The following CNBD1 variants were observed in gnomAD, a reference collection of about 807,000 sequenced individuals.
The protein encoded by CNBD1 is cyclic nucleotide binding domain containing 1.
CNBD1 carries 71 observed loss-of-function variants against 54.4 expected under a neutral mutation model. The ratio of observed to expected loss-of-function variants is 1.30; its 90% CI spans 1.08 to 1.59. The LOEUF (loss-of-function observed/expected upper bound fraction) is 1.59. CNBD1 is among the 40% of genes most tolerant of loss of function. CNBD1 has a pLI of 0.00. For synonymous variants in CNBD1, 182 were observed against 170.7 expected, an observed-to-expected ratio of 1.07 and a Z score of -0.51; for missense variants, 659 against 518.0, an observed-to-expected ratio of 1.27 and a Z score of -2.64.
intron 8 of CNBD1, among the ~76,000 whole-genome samples, chr8:87,337,727 C>T (rs1809977059): frequency 6.6e-6 from 1 of 152,210 alleles, no homozygotes; most frequent in Non-Finnish European, 1.5e-5. Context: ...TCTCAGGTGT[C>T]CCGTGTGGCT....
intron 5 of CNBD1, among the ~76,000 whole-genome samples, chr8:87,229,122 C>T (rs570504092): frequency 3.0e-4 from 46 of 152,250 alleles, no homozygotes; most frequent in South Asian, 4.1e-4. Flanking sequence ...ACATGGTGCG[C>T]GCACCCACTG....
At chr8:87,369,526 G>C (rs1027992398) in intron 10 of CNBD1, among the ~76,000 whole-genome samples, 4 of 151,814 alleles carry the variant, frequency 2.6e-5, no homozygotes, top group Admixed American at 2.0e-4. Context: ...TTATTTATCT[G>C]GAAATGTCTT....
At position 87,092,495 on chromosome 8, in the gene CNBD1, GTA is replaced by G. The variant is rs528084126; in HGVS notation, c.432-113490_432-113489del. The stretch of plus-strand genomic sequence containing the variant: ...TATATATATACACATATGTGTGTGT[GTA>G]TATATATGTGTGTGTGTGTATGTGT... On this transcript the variant is annotated intron_variant, in intron 4 of 10. Coordinates refer to ENST00000518476, the MANE Select transcript of CNBD1 (RefSeq NM_173538.3). Among the ~76,000 whole-genome samples, 177 of 146,524 alleles carry G rather than the reference GTA, an allele frequency of 1.2e-3. 1 individual carries two copies. The highest frequency in any genetic ancestry group is 5.9e-3 in the South Asian group (27 of 4,580).
At chr8:87,122,171 T>C (rs1811903901) in intron 4 of CNBD1, among the ~76,000 whole-genome samples, 1 of 151,866 alleles carries the variant, frequency 6.6e-6, no homozygotes, top group Non-Finnish European at 1.5e-5. Context: ...TCTTTTAATT[T>C]ACATTCCCAC....
At chr8:87,262,329 C>A (rs1808159597) in intron 6 of CNBD1, among the ~76,000 whole-genome samples, 1 of 152,082 alleles carries the variant, frequency 6.6e-6, no homozygotes, top group African/African-American at 2.4e-5. Flanking sequence ...GTTTCTTTTT[C>A]TTTTCTGATG....
chr8:87,255,475 A>G (rs1276899369), intron 6 of CNBD1, among the ~76,000 whole-genome samples: 3 of 152,154 alleles, frequency 2.0e-5, no homozygotes, highest in Non-Finnish European at 4.4e-5. Flanking sequence ...AAATAACAAT[A>G]TAACAATTTA....
rs1046428125 is a variant in CNBD1, at chr8:86,941,831, G to A, written c.431+2077G>A. 3.3e-5 allele frequency among the ~76,000 whole-genome samples: 5 copies of A among 152,126 alleles called. No individual in the cohort carries two copies. The East Asian group carries it at 7.7e-4, about 23-fold the overall frequency. On this transcript the variant is annotated intron_variant, in intron 4 of 10. Coordinates refer to ENST00000518476, the MANE Select transcript of CNBD1 (RefSeq NM_173538.3). ...GGACCTCCATGGATGCTATTTAATG[G>A]CCTGTTTCCAAACACCCAGGACAAT...
intron 5 of CNBD1, among the ~76,000 whole-genome samples, chr8:87,214,614 C>T (rs575753554): frequency 6.6e-6 from 1 of 152,244 alleles, no homozygotes; most frequent in South Asian, 2.1e-4. Flanking sequence ...TGTTCTTAAG[C>T]TGCTAATAAA....
intron 4 of CNBD1, among the ~76,000 whole-genome samples, chr8:87,107,189 C>G (rs939624777): frequency 1.3e-5 from 2 of 152,188 alleles, no homozygotes; most frequent in Admixed American, 6.5e-5. Flanking sequence ...CAGAACTAAA[C>G]TCTTGGTTTT....
At chr8:87,347,051 T>C (rs1810189667) in intron 8 of CNBD1, among the ~76,000 whole-genome samples, 1 of 152,180 alleles carries the variant, frequency 6.6e-6, no homozygotes, top group Non-Finnish European at 1.5e-5. Context: ...GTATTGCTCT[T>C]TGGGGGCTTA....
intron 8 of CNBD1, among the ~76,000 whole-genome samples, chr8:87,306,875 A>G (rs1809162570): frequency 6.6e-6 from 1 of 152,146 alleles, no homozygotes; most frequent in South Asian, 2.1e-4. Flanking sequence ...TTAATCATAT[A>G]ACCAAATACC....
chr8:87,150,215 A>G (rs1812575528), intron 4 of CNBD1, among the ~76,000 whole-genome samples: 1 of 151,998 alleles, frequency 6.6e-6, no homozygotes, highest in Non-Finnish European at 1.5e-5. Flanking sequence ...TCAGGTAGAA[A>G]ACAGCTTTGT....
Position 87,365,515 on chromosome 8 carries a change from T to C in CNBD1, c.1303+11729T>C, listed in dbSNP as rs1810625440. On this transcript the variant is annotated intron_variant, in intron 10 of 10. Transcript: ENST00000518476. Reference sequence around the variant, plus strand: ...CATGTTTTCATTTTCAGATTTGCTATACTTGAAACCACTTGTTCCACTGTA... The same window carrying C: ...CATGTTTTCATTTTCAGATTTGCTACACTTGAAACCACTTGTTCCACTGTA... Among the ~76,000 whole-genome samples, 3 of 152,060 alleles carry C rather than the reference T, an allele frequency of 2.0e-5. No individual in the cohort carries two copies. In the South Asian group the frequency reaches 6.2e-4, roughly 31 times the overall value.
At chr8:87,404,016 A>G (rs1807612254) in intron 2 of CNBD1, among the ~76,000 whole-genome samples, 1 of 152,064 alleles carries the variant, frequency 6.6e-6, no homozygotes, top group Non-Finnish European at 1.5e-5. Flanking sequence ...ATCAACTGAG[A>G]GCACTATTAG....
At chr8:87,411,658 A>ATT (rs71277944) in intron 2 of CNBD1, among the ~76,000 whole-genome samples, 162 of 144,216 alleles carry the variant, frequency 1.1e-3, no homozygotes, top group Middle Eastern at 0.011. Flanking sequence ...GCTTTTTTAG[A>ATT]TTTTTTTTTT....
intron 8 of CNBD1, among the ~76,000 whole-genome samples, chr8:87,346,197 A>T (rs1215225170): frequency 6.6e-6 from 1 of 151,922 alleles, no homozygotes; most frequent in Non-Finnish European, 1.5e-5. Flanking sequence ...ATGCGCCACC[A>T]CGCTCAGCTA....
At chr8:86,929,172 G>A (rs1228354476) in intron 3 of CNBD1, among the ~76,000 whole-genome samples, 1 of 152,136 alleles carries the variant, frequency 6.6e-6, no homozygotes, top group East Asian at 1.9e-4. Flanking sequence ...GTGTAAGACT[G>A]CCACCTCTTT....
At chr8:86,908,509 C>G (rs1809051418) in intron 3 of CNBD1, among the ~76,000 whole-genome samples, 1 of 152,004 alleles carries the variant, frequency 6.6e-6, no homozygotes, top group Non-Finnish European at 1.5e-5. Flanking sequence ...AATATTAATC[C>G]CCTACTTCAG....
At chr8:87,289,961 T>G (rs1808758062) in intron 8 of CNBD1, among the ~76,000 whole-genome samples, 1 of 152,128 alleles carries the variant, frequency 6.6e-6, no homozygotes, top group African/African-American at 2.4e-5. Context: ...ACTGGTCTCT[T>G]TTGTCTTGGA....
Sources: gnomAD v4.1 joint callset for allele counts (sites outside exome capture counted in the v4.1 genomes callset) on GRCh38, gnomAD v4.1.1 for gene constraint, MANE v1.5 for transcripts, NCBI Gene and HGNC (gene_info 2026-07-23, HGNC 2026-07-21) for gene names.